Variants in TMPRSS15 observed in about 807,000 individuals in gnomAD.
TMPRSS15 encodes the protein enteropeptidase.
Under a neutral mutation model 125.3 loss-of-function variants are expected in TMPRSS15, and 128 were observed. That is an observed-to-expected ratio of 1.02 (90% CI 0.89 to 1.18). The LOEUF (loss-of-function observed/expected upper bound fraction) is 1.18, where lower values mean the gene tolerates loss of function less well. TMPRSS15 is among the 50% of genes most tolerant of loss of function. The pLI, the probability that TMPRSS15 is intolerant of heterozygous loss-of-function variation, is 0.00. For synonymous variants in TMPRSS15, 446 were observed against 423.2 expected (o/e 1.05, Z -0.66); for missense variants, 1,283 against 1,212.7 (o/e 1.06, Z -0.86).
At chr21:18,400,315 ACT>A (rs2076083105) in intron 1 of TMPRSS15, among the ~76,000 whole-genome samples, 1 of 152,180 alleles carries the variant, frequency 6.6e-6, no homozygotes, top group African/African-American at 2.4e-5. Flanking sequence ...ACATTACGCA[ACT>A]TCATGCTATA....
At chr21:18,424,996 T>C (rs1387651943) in intron 1 of TMPRSS15, among the ~76,000 whole-genome samples, 2 of 149,872 alleles carry the variant, frequency 1.3e-5, no homozygotes, top group African/African-American at 4.9e-5. Flanking sequence ...TTTATGAATA[T>C]ATGAATACAT....
intron 1 of TMPRSS15, among the ~76,000 whole-genome samples, chr21:18,463,429 A>G (rs1978592019): frequency 6.6e-6 from 1 of 152,012 alleles, no homozygotes; most frequent in Non-Finnish European, 1.5e-5. Flanking sequence ...TACACCCAAT[A>G]TAGGAGCACC....
chr21:18,330,497 C>T (rs1002964835), intron 14 of TMPRSS15, among the ~76,000 whole-genome samples: 2 of 152,102 alleles, frequency 1.3e-5, no homozygotes, highest in African/African-American at 2.4e-5. Flanking sequence ...AAACAGTTGT[C>T]TCCTACTTTG....
Position 18,373,149 on chromosome 21 carries a change from C to A in TMPRSS15, c.533-825G>T, listed in dbSNP as rs114328278. ...AATCTTAAAGCCAGAACTGTATTGC[C>A]ATCTGCTGGGTTTTCAAAATATGAA... is the stretch of plus-strand genomic sequence containing the variant. On this transcript the variant is annotated intron_variant, in intron 5 of 24. Transcript: ENST00000284885. Among the ~76,000 whole-genome samples, 1,453 of 152,040 alleles carry A rather than the reference C, an allele frequency of 9.6e-3. 23 individuals are homozygous for A. The highest frequency in any genetic ancestry group is 0.033 in the African/African-American group (1,384 of 41,488).
In TMPRSS15 at chr21:18,412,942, T is replaced by G. The variant is rs1322323154; in HGVS notation, c.11-14613A>C. Among the ~76,000 whole-genome samples, 3 of 152,168 alleles carry G rather than the reference T, an allele frequency of 2.0e-5. No individual in the cohort carries two copies. In the East Asian group the frequency reaches 5.8e-4, roughly 29 times the overall value. ...ACATTAGATCCTTGGAAACGTTGTG[T>G]AAAAATAAGATAAATTTTAAATAAA... is the stretch of plus-strand genomic sequence containing the variant. On this transcript the variant is annotated intron_variant, in intron 1 of 7. Transcript: ENST00000422787.
At chr21:18,323,495 TC>T (rs2075260234) in intron 16 of TMPRSS15, among the ~76,000 whole-genome samples, 1 of 152,022 alleles carries the variant, frequency 6.6e-6, no homozygotes. Context: ...CTCAATTACC[TC>T]CCACCAGGTC....
chr21:18,435,492 T>C (rs1431339779), intron 1 of TMPRSS15, among the ~76,000 whole-genome samples: 2 of 152,190 alleles, frequency 1.3e-5, no homozygotes, highest in African/African-American at 2.4e-5. Context: ...CACTTGTTCA[T>C]GGGGGATAAG....
chr21:18,432,128 T>C (rs1197103165), intron 1 of TMPRSS15, among the ~76,000 whole-genome samples: 1 of 152,170 alleles, frequency 6.6e-6, no homozygotes, highest in Non-Finnish European at 1.5e-5. Flanking sequence ...CATCCCTTCA[T>C]ATAAAGTATT....
chr21:18,326,690 A>G, intron 15 of TMPRSS15, 118 bp from the exon 16 acceptor site: 1 of 1,154,012 alleles, frequency 8.7e-7, no homozygotes, highest in African/African-American at 1.5e-5. Flanking sequence ...TGGCTCGCTC[A>G]TAGAGCAGCC....
At chr21:18,468,531 A>G (rs1978711607) in intron 1 of TMPRSS15, among the ~76,000 whole-genome samples, 2 of 117,412 alleles carry the variant, frequency 1.7e-5, no homozygotes, top group Non-Finnish European at 3.8e-5. Context: ...CAGTTTTTCA[A>G]ACAAAAAAAA....
intron 1 of TMPRSS15, among the ~76,000 whole-genome samples, chr21:18,437,098 A>G (rs1486642336): frequency 1.3e-5 from 2 of 149,334 alleles, no homozygotes; most frequent in Non-Finnish European, 3.0e-5. Context: ...CAGTAACCAA[A>G]ACAGCATGGT....
chr21:18,357,078 T>G (rs2147015821), intron 8 of TMPRSS15, among the ~76,000 whole-genome samples: 1 of 151,972 alleles, frequency 6.6e-6, no homozygotes, highest in South Asian at 2.1e-4. Flanking sequence ...CCTAGGCATT[T>G]TTGTTGTCTT....
chr21:18,474,978 C>T (rs747053108), intron 1 of TMPRSS15, among the ~76,000 whole-genome samples: 2 of 152,146 alleles, frequency 1.3e-5, no homozygotes, highest in Non-Finnish European at 2.9e-5. Flanking sequence ...GATTATACAG[C>T]TACGTGGTCT....
chr21:18,358,319 T>C (rs2075645540), intron 8 of TMPRSS15, among the ~76,000 whole-genome samples: 1 of 151,872 alleles, frequency 6.6e-6, no homozygotes, highest in South Asian at 2.1e-4. Context: ...TGGAAGAGCA[T>C]TTAGTCAGTC....
intron 1 of TMPRSS15, among the ~76,000 whole-genome samples, chr21:18,458,891 GATT>G (rs1462296659): frequency 2.0e-5 from 3 of 148,220 alleles, no homozygotes; most frequent in African/African-American, 7.9e-5. Flanking sequence ...ATCTTATGAT[GATT>G]ATATCATTTT....
At chr21:18,477,039 AGT>A (rs1451244480) in intron 1 of TMPRSS15, among the ~76,000 whole-genome samples, 3 of 152,150 alleles carry the variant, frequency 2.0e-5, no homozygotes, top group Admixed American at 6.6e-5. Context: ...AACAGTGAAA[AGT>A]GTTTCTGAAA....
At chr21:18,291,087 C>A (rs1601281793) in intron 21 of TMPRSS15, among the ~76,000 whole-genome samples, 1 of 152,334 alleles carries the variant, frequency 6.6e-6, no homozygotes, top group Middle Eastern at 3.4e-3. Flanking sequence ...CATTTTATTG[C>A]ACATTCTTGC....
intron 1 of TMPRSS15, among the ~76,000 whole-genome samples, chr21:18,418,289 T>G (rs2076184697): frequency 6.6e-6 from 1 of 152,222 alleles, no homozygotes; most frequent in African/African-American, 2.4e-5. Flanking sequence ...TTAAGAACCT[T>G]ATTTTAAAAA....
chr21:18,415,969 A>G (rs867019893), intron 1 of TMPRSS15, among the ~76,000 whole-genome samples: 24 of 152,216 alleles, frequency 1.6e-4, no homozygotes, highest in South Asian at 2.1e-4. Flanking sequence ...ATACAAAATC[A>G]ACGTACAAAA....
Sources: gnomAD v4.1 joint callset for allele counts (sites outside exome capture counted in the v4.1 genomes callset) on GRCh38, gnomAD v4.1.1 for gene constraint, MANE v1.5 for transcripts, NCBI Gene and HGNC (gene_info 2026-07-23, HGNC 2026-07-21) for gene names.